Variants in MUC6 observed in about 807,000 individuals in gnomAD.
MUC6 encodes the protein mucin 6, oligomeric mucus/gel-forming (gene/pseudogene).
Under a neutral mutation model 201.5 loss-of-function variants are expected in MUC6, and 188 were observed. The observed-to-expected ratio is 0.93, with a 90% confidence interval of 0.83 to 1.05. MUC6 has a LOEUF of 1.05. MUC6 is among the 50% of genes least tolerant of loss of function. MUC6 has a pLI of 0.00. For synonymous variants in MUC6, 1,228 were observed against 1,389.4 expected (o/e 0.88, Z 2.58); for missense variants, 2,706 against 3,256.9 (o/e 0.83, Z 4.12).
rs372940075 is a variant in MUC6, at chr11:1,024,139, G to A, written c.3226-36C>T. The A allele has an allele frequency of 1.8e-4, 281 of 1,587,056 alleles. 1 individual carries two copies. The highest frequency in any genetic ancestry group is 1.6e-3 in the Middle Eastern group (9 of 5,746). On this transcript the variant is annotated intron_variant, in intron 24 of 32. Coordinates refer to ENST00000421673, the MANE Select transcript of MUC6 (RefSeq NM_005961.3). ...GTGTGCCAGTCAGTGTCTGGCTGCC[G>A]GGGGATGGCGGGGCATCAGGCTTTG...
intron 32 of MUC6, 53 bp from the exon 33 acceptor site, chr11:1,013,686 C>T: frequency 6.6e-7 from 1 of 1,518,698 alleles, no homozygotes. Context: ...GGGCATAAGG[C>T]CCCTCCCTCC....
chr11:1,034,443 C>A (rs1191441862), intron 1 of MUC6, among the ~76,000 whole-genome samples: 1 of 152,224 alleles, frequency 6.6e-6, no homozygotes, highest in African/African-American at 2.4e-5. Flanking sequence ...TGGTCCTCAG[C>A]CCCCCGCCAT....
At position 1,014,002 on chromosome 11, in the gene MUC6, C is replaced by G; in HGVS notation, c.7040-1G>C. 1 of 1,604,920 alleles carries G rather than the reference C, an allele frequency of 6.2e-7. No individual in the cohort carries two copies. Among genetic ancestry groups the G allele is most frequent in the Non-Finnish European group, 8.5e-7 (1 of 1,176,260 alleles). ...TGCTGCTCCCGCACACTGCAGACCC[C>G]TGGTAGCCGAGTGGACGGTCAGCAG... On this transcript the variant is annotated splice_acceptor_variant, in intron 31 of 32. Transcript: ENST00000421673. LOFTEE classifies it high-confidence loss of function.
chr11:1,021,999 C>T (rs1856818563), intron 26 of MUC6, among the ~76,000 whole-genome samples: 1 of 151,492 alleles, frequency 6.6e-6, no homozygotes, highest in Non-Finnish European at 1.5e-5. Flanking sequence ...CCCGGCCACA[C>T]CCCACCCCAC....
At chr11:1,024,796 G>A (rs754544411) in intron 24 of MUC6, 48 bp downstream of exon 24, 17 of 1,466,834 alleles carry the variant, frequency 1.2e-5, no homozygotes, top group Middle Eastern at 3.7e-4. Context: ...CGCCCCCACC[G>A]GACATTTGTG....
In MUC6 at chr11:1,020,265, G is replaced by A; in HGVS notation, c.3641-8C>T. 8.8e-6 allele frequency: 14 copies of A among 1,598,228 alleles called. No individual in the cohort carries two copies. The highest frequency in any genetic ancestry group is 1.2e-5 in the Non-Finnish European group (14 of 1,173,114). On this transcript the variant is annotated splice_region_variant and splice_polypyrimidine_tract_variant and intron_variant, in intron 28 of 32. Transcript: ENST00000421673. ...CTTGCGTGGGCCGTGAGCCTGGGTG[G>A]GCGGACATGCCATCAGGGCTGCAGG...
At position 1,020,585 on chromosome 11, in the gene MUC6, C is replaced by T. The variant is rs907914451; in HGVS notation, c.3640+99G>A. The T allele has an allele frequency of 9.9e-6, 15 of 1,511,756 alleles. No homozygotes were observed. The African/African-American group carries it at 1.9e-4, about 19-fold the overall frequency. 93.6% of individuals were successfully genotyped at this position (1,511,756 alleles called of 1,614,324 possible). Reference sequence around the variant, plus strand: ...CTGAGAAGGGCACAGGTACTGCCTGCCCCCTCCCTGCTTCCCACCCGACAG... The same window carrying T: ...CTGAGAAGGGCACAGGTACTGCCTGTCCCCTCCCTGCTTCCCACCCGACAG... On this transcript the variant is annotated intron_variant, in intron 28 of 32. Transcript: ENST00000421673.
At chr11:1,026,270 C>T (rs965541365) in intron 20 of MUC6, 57 bp downstream of exon 20, 27 of 1,546,414 alleles carry the variant, frequency 1.7e-5, no homozygotes, top group African/African-American at 9.6e-5. Context: ...GGGCAGCCTC[C>T]GCCTGCCCCA....
chr11:1,026,586 G>C, intron 19 of MUC6, 108 bp from the exon 20 acceptor site: 1 of 1,274,394 alleles, frequency 7.8e-7, no homozygotes, highest in Non-Finnish European at 1.0e-6. Flanking sequence ...TCCTCTCCCT[G>C]AATACAGCCC....
At chr11:1,025,110 C>A (rs963610253) in intron 23 of MUC6, 27 bp from the exon 24 acceptor site, 9 of 1,612,260 alleles carry the variant, frequency 5.6e-6, no homozygotes, top group Non-Finnish European at 3.4e-6. Flanking sequence ...CAGGCCGGGC[C>A]CAGGGGCCGT....
rs530215145 is a variant in MUC6 at position 1,016,481 on chromosome 11, A to T, written c.6320T>A (p.Ile2107Asn). 2 of 1,613,720 alleles carry T rather than the reference A, an allele frequency of 1.2e-6. No homozygotes were observed. The highest frequency in any genetic ancestry group is 1.7e-6 in the Non-Finnish European group (2 of 1,179,862). ...ACTCAAGTGGGGGAGTTGTGTGGTG[A>T]TAGGTGATGACGGTGGCCTTGAGCT... Reference protein sequence around the residue: ...NSSSRPPSSPITTQLPHLSSA... With the variant: ...NSSSRPPSSPNTTQLPHLSSA... The change falls in exon 31 of 33, where the codon ATC becomes AAC. Residue 2107 changes from isoleucine (I) to asparagine (N), a missense_variant. This residue lies in a region of MUC6 where 586 missense variants were observed against 488.0 expected (regional missense o/e 1.20). Transcript: ENST00000421673.
At chr11:1,023,469 T>TC (rs1377182829) in intron 26 of MUC6, 40 bp downstream of exon 26, 2 of 1,547,208 alleles carry the variant, frequency 1.3e-6, no homozygotes, top group Admixed American at 2.0e-5. Flanking sequence ...AGTGAATGGG[T>TC]CCCCCTGTGT....
intron 31 of MUC6, among the ~76,000 whole-genome samples, chr11:1,014,847 C>T (rs1284999231): frequency 2.0e-5 from 3 of 152,138 alleles, no homozygotes; most frequent in Non-Finnish European, 4.4e-5. Flanking sequence ...CCCCAGCTGC[C>T]CTCCCCTCCC....
rs200207548 is a variant in MUC6, at chr11:1,020,872, C to CCTCCCCTCTCTCCCCTCT, written c.3590-139_3590-138insAGAGGGGAGAGAGGGGAG. ...GGGACTGGAGGGGCTGGGAGCCCAC[C>CCTCCCCTCTCTCCCCTCT]CTCCCCTCTCTCCCTTTCTCCTTCC... On this transcript the variant is annotated intron_variant, in intron 27 of 32. Transcript: ENST00000421673. The CCTCCCCTCTCTCCCCTCT allele has an allele frequency of 6.2e-6, 7 of 1,127,436 alleles. No homozygotes were observed. The African/African-American group carries it at 9.3e-5, about 15-fold the overall frequency. The allele number at this position is 1,127,436 out of a possible 1,614,324, so 69.8% of individuals were successfully genotyped here.
intron 26 of MUC6, among the ~76,000 whole-genome samples, chr11:1,021,833 C>T (rs1856815121): frequency 6.6e-6 from 1 of 152,042 alleles, no homozygotes. Context: ...CCCTGCATTG[C>T]CCTCCTGAGC....
intron 22 of MUC6, 35 bp downstream of exon 22, chr11:1,025,770 C>A (rs767360852): frequency 5.1e-6 from 8 of 1,568,860 alleles, no homozygotes; most frequent in East Asian, 2.3e-5. Flanking sequence ...CCCTACCGCC[C>A]GTCCTGCCCT....
chr11:1,026,354 G>A lies in MUC6; in HGVS notation c.2519C>T (p.Ala840Val). The A allele has an allele frequency of 6.3e-7, 1 of 1,596,174 alleles. No individual in the cohort carries two copies. Among genetic ancestry groups the A allele is most frequent in the Non-Finnish European group, 8.5e-7 (1 of 1,171,764 alleles). Residue 840 changes from alanine (A) to valine (V), a missense_variant, in exon 20 of 33, where the codon GCT (alanine) becomes GTT (valine). Around this residue, in one of 10 missense-constraint regions of MUC6, gnomAD observed 1,850 missense variants for 1,958.3 expected, o/e 0.94. Coordinates refer to ENST00000421673, the MANE Select transcript of MUC6 (RefSeq NM_005961.3). ...GGTCCTGCAGTCAGTGTGGAGCTCA[G>A]CTCCTCCAGGGTAGGAGACCCCCGA... ...EFSGVSYPGGAELHTDCRTCS... is the reference protein window; with the variant it reads ...EFSGVSYPGGVELHTDCRTCS...
intron 28 of MUC6, among the ~76,000 whole-genome samples, 195 bp from the exon 29 acceptor site, chr11:1,020,452 T>C (rs767920548): frequency 3.5e-4 from 53 of 152,238 alleles, no homozygotes; most frequent in Non-Finnish European, 6.6e-4. Flanking sequence ...GGTCACCTGT[T>C]GAGGCCCCAC....
chr11:1,018,997 G>C (rs544283274), intron 30 of MUC6, among the ~76,000 whole-genome samples: 2 of 152,086 alleles, frequency 1.3e-5, no homozygotes, highest in Admixed American at 1.3e-4. Flanking sequence ...TGCAGCTGCC[G>C]CTCTGTGACT....
Sources: allele counts gnomAD v4.1 joint callset (sites outside exome capture counted in the v4.1 genomes callset), GRCh38; gene constraint gnomAD v4.1.1; regional missense constraint gnomAD v4.1.1; transcripts MANE v1.5; gene names NCBI Gene and HGNC (gene_info 2026-07-23, HGNC 2026-07-21).